C6: variants seen among roughly 807,000 people sequenced by gnomAD.
C6 encodes complement C6.
In C6, 101 loss-of-function variants were observed where a neutral mutation model predicts 112.9. The ratio of observed to expected loss-of-function variants is 0.89; its 90% CI spans 0.76 to 1.06. C6 has a LOEUF of 1.06. C6 is among the 50% of genes least tolerant of loss of function. The pLI, the probability that C6 is intolerant of heterozygous loss-of-function variation, is 0.00. For synonymous variants in C6, 431 were observed against 384.1 expected (o/e 1.12, Z -1.43); for missense variants, 1,202 against 1,104.6 (o/e 1.09, Z -1.25).
upstream of C6, among the ~76,000 whole-genome samples, chr5:41,218,195 A>G (rs971673488): frequency 2.6e-5 from 4 of 152,204 alleles, no homozygotes; most frequent in African/African-American, 7.2e-5. Flanking sequence ...AACGTCAAGA[A>G]GTACTAAAAA....
rs372660088 is a variant in C6 at position 41,250,547 on chromosome 5, A to C, written c.-21+10647T>G. ...TGGAATGTGAACTGACCTGAAGTACATCATATCTGAGCAGGATTTAAATGT... is the reference window on the plus strand; with the variant it reads ...TGGAATGTGAACTGACCTGAAGTACCTCATATCTGAGCAGGATTTAAATGT... On this transcript the variant is annotated intron_variant, in intron 1 of 17. Transcript: ENST00000263413. Among the ~76,000 whole-genome samples, 185 of 152,328 alleles carry C rather than the reference A, an allele frequency of 1.2e-3. 1 individual carries two copies. The highest frequency in any genetic ancestry group is 4.3e-3 in the African/African-American group (180 of 41,576).
upstream of C6, among the ~76,000 whole-genome samples, chr5:41,214,461 A>C (rs1369034886): frequency 6.6e-6 from 1 of 152,134 alleles, no homozygotes; most frequent in African/African-American, 2.4e-5. Context: ...AGGCCAGAGT[A>C]AGTCAGAACT....
At chr5:41,203,466 A>T in intron 1 of C6, 3 of 502,948 alleles carry the variant, frequency 6.0e-6, no homozygotes, top group Non-Finnish European at 1.1e-5. Flanking sequence ...CACAACCTCC[A>T]GTACTAGTAA....
intron 1 of C6, among the ~76,000 whole-genome samples, chr5:41,211,169 T>C (rs570161457): frequency 3.3e-5 from 5 of 152,152 alleles, no homozygotes; most frequent in East Asian, 1.9e-4. Flanking sequence ...TTCTCACTTA[T>C]AGGTGGGAAT....
intron 4 of C6, among the ~76,000 whole-genome samples, chr5:41,198,687 T>TC (rs1308975841): frequency 6.6e-6 from 1 of 152,202 alleles, no homozygotes; most frequent in African/African-American, 2.4e-5. Context: ...AATGGATGCA[T>TC]CTCAAGGCTT....
At chr5:41,261,174 G>T (rs2150449908) in intron 1 of C6, 1 of 984,844 alleles carries the variant, frequency 1.0e-6, no homozygotes, top group South Asian at 4.7e-5. Context: ...AAAAAAAGAA[G>T]AAAAAAGTAG....
chr5:41,142,798 A>G lies in C6; in HGVS notation c.*27T>C, dbSNP rs561825399. ...GTTCTTCGGGATGGTAAATCTGTTC[A>G]TTGTGCTGGGCCTAGCAGTAATTGT... On this transcript the variant is annotated 3_prime_UTR_variant, in exon 18 of 18. Coordinates refer to ENST00000337836, the MANE Select transcript of C6 (RefSeq NM_000065.5). 1.9e-4 allele frequency: 301 copies of G among 1,578,508 alleles called. 3 individuals carry two copies. The Middle Eastern group carries it at 2.5e-3, about 13-fold the overall frequency.
At chr5:41,249,119 T>A (rs1741190818) in intron 1 of C6, among the ~76,000 whole-genome samples, 1 of 152,102 alleles carries the variant, frequency 6.6e-6, no homozygotes, top group South Asian at 2.1e-4. Context: ...CTTATGTACA[T>A]AAAGATGGAA....
chr5:41,150,304 T>C (rs1294022309), intron 15 of C6, among the ~76,000 whole-genome samples: 1 of 152,226 alleles, frequency 6.6e-6, no homozygotes, highest in Non-Finnish European at 1.5e-5. Flanking sequence ...GTTTTTCAAA[T>C]ATTTATTGAG....
chr5:41,189,504 A>G (rs1724441325), intron 5 of C6, among the ~76,000 whole-genome samples: 1 of 152,070 alleles, frequency 6.6e-6, no homozygotes, highest in Admixed American at 6.5e-5. Context: ...TACATTTTTA[A>G]AAATTGTCAC....
At chr5:41,158,841 G>A in intron 12 of C6, 56 bp from the exon 13 acceptor site, 1 of 1,063,750 alleles carries the variant, frequency 9.4e-7, no homozygotes, top group African/African-American at 1.5e-5. Context: ...ACATTTACAT[G>A]TGTGTATATG....
chr5:41,159,058 T>G, intron 12 of C6, 24 bp downstream of exon 12: 1 of 1,613,070 alleles, frequency 6.2e-7, no homozygotes, highest in Non-Finnish European at 8.5e-7. Context: ...AAATGACCCA[T>G]TCTTTTCCCT....
intron 1 of C6, among the ~76,000 whole-genome samples, chr5:41,255,450 T>C (rs1476514511): frequency 6.6e-6 from 1 of 152,120 alleles, no homozygotes; most frequent in Non-Finnish European, 1.5e-5. Context: ...TTGGACTCTT[T>C]GGGCTGCAAG....
chr5:41,225,158 G>A (rs189739222), intron 1 of C6, among the ~76,000 whole-genome samples: 39 of 152,180 alleles, frequency 2.6e-4, no homozygotes, highest in Admixed American at 3.9e-4. Context: ...TTGGTGTGCC[G>A]CACCCATTAA....
intron 8 of C6, among the ~76,000 whole-genome samples, chr5:41,174,514 A>G (rs1275279773): frequency 6.6e-6 from 1 of 152,190 alleles, no homozygotes; most frequent in African/African-American, 2.4e-5. Flanking sequence ...CCTCTTGCAT[A>G]TTAGGATATT....
upstream of C6, among the ~76,000 whole-genome samples, chr5:41,218,088 A>G (rs1018449726): frequency 4.6e-5 from 7 of 152,196 alleles, no homozygotes; most frequent in Non-Finnish European, 1.0e-4. Flanking sequence ...TATACCAGGC[A>G]TTATGCTGGG....
intron 9 of C6, among the ~76,000 whole-genome samples, chr5:41,168,772 G>A (rs556597736): frequency 6.6e-6 from 1 of 152,110 alleles, no homozygotes; most frequent in Non-Finnish European, 1.5e-5. Flanking sequence ...AACTTATGTT[G>A]ATAAATAAAG....
At chr5:41,183,146 T>C (rs949701246) in intron 6 of C6, among the ~76,000 whole-genome samples, 28 of 152,192 alleles carry the variant, frequency 1.8e-4, no homozygotes, top group African/African-American at 6.5e-4. Flanking sequence ...TGTGATGCCC[T>C]GAATTCATAT....
chr5:41,220,100 T>C (rs910816704), intron 1 of C6, among the ~76,000 whole-genome samples: 1 of 152,172 alleles, frequency 6.6e-6, no homozygotes, highest in African/African-American at 2.4e-5. Flanking sequence ...AGTAACAAAA[T>C]GTCAACATCT....
Sources: gnomAD v4.1 joint callset for allele counts (sites outside exome capture counted in the v4.1 genomes callset) on GRCh38, gnomAD v4.1.1 for gene constraint, MANE v1.5 for transcripts, NCBI Gene and HGNC (gene_info 2026-07-23, HGNC 2026-07-21) for gene names.